Variants in PTPRU observed in about 807,000 individuals in gnomAD.
PTPRU encodes the protein receptor-type tyrosine-protein phosphatase U.
PTPRU carries 69 observed loss-of-function variants against 166.3 expected under a neutral mutation model. That is an observed-to-expected ratio of 0.41 (90% confidence interval 0.34 to 0.51). The LOEUF is 0.51. Among genes scored for constraint, PTPRU ranks in the 20% least tolerant of loss-of-function variants. The pLI is 0.09. For missense variants in PTPRU, 1,657 were observed against 2,013.7 expected, an observed-to-expected ratio of 0.82 and a Z score of 3.39; for synonymous variants, 793 against 814.0, an observed-to-expected ratio of 0.97 and a Z score of 0.44.
At chr1:29,249,598 C>T (rs533584652) in intron 1 of PTPRU, among the ~76,000 whole-genome samples, 4 of 152,306 alleles carry the variant, frequency 2.6e-5, no homozygotes, top group African/African-American at 7.2e-5. Context: ...ACACTGAGCG[C>T]GGGGCTCAGG....
In PTPRU at chr1:29,275,542, T is replaced by C; in HGVS notation, c.1239T>C (p.Arg413=). The change falls in exon 8 of 30, where the codon CGT becomes CGC. Residue 413 remains arginine (R), a synonymous_variant. Transcript: ENST00000373779. The part of the protein sequence containing the change: ...QWEPLGYNVT[R]CHTYTVSLCY... The stretch of plus-strand genomic sequence containing the variant: ...AACCACTGGGCTACAACGTGACGCG[T>C]TGCCACACCTATACTGTGTCGCTGT... 1 of 1,614,218 alleles carries C rather than the reference T, an allele frequency of 6.2e-7. No individual in the cohort carries two copies. Among genetic ancestry groups the C allele is most frequent in the South Asian group, 1.1e-5 (1 of 91,086 alleles).
chr1:29,306,511 G>C (rs1687395304), intron 18 of PTPRU, among the ~76,000 whole-genome samples: 2 of 152,220 alleles, frequency 1.3e-5, no homozygotes, highest in Non-Finnish European at 2.9e-5. Context: ...AGATGAGCAA[G>C]TGCAGGCCAG....
At position 29,313,675 on chromosome 1, in the gene PTPRU, GTGAGACCTCA is replaced by G. The variant is rs1687769863; in HGVS notation, c.3227+971_3227+980del. On this transcript the variant is annotated intron_variant, in intron 22 of 29. Coordinates refer to ENST00000373779, the MANE Select transcript of PTPRU (RefSeq NM_133178.4). ...GTTCGAGACCAGCCTGGGCAACATA[GTGAGACCTCA>G]TTGCTACAAAAATAAAAAAATTAGT... Among the ~76,000 whole-genome samples, 3 of 152,086 alleles carry G rather than the reference GTGAGACCTCA, an allele frequency of 2.0e-5. No homozygotes were observed. In the South Asian group the frequency reaches 6.2e-4, roughly 32 times the overall value.
rs1274016973 is a variant in PTPRU, at chr1:29,280,195, C to T, written c.1868+54C>T. ...GTCCAGGGCCTTAGGAAAGAGGCCC[C>T]TCCTCTGACCCAGAGCCCCATCCCA... On this transcript the variant is annotated intron_variant, in intron 11 of 29. Transcript: ENST00000373779. This position sits in a 1 kb window ranked among gnomAD's most constrained non-coding sequence, Gnocchi z 4.2. 3.4e-6 allele frequency: 5 copies of T among 1,491,214 alleles called. No individual in the cohort carries two copies. The highest frequency in any genetic ancestry group is 4.6e-6 in the Non-Finnish European group (5 of 1,075,910). The allele number at this position is 1,491,214 out of a possible 1,614,324, so 92.4% of individuals were successfully genotyped here.
In PTPRU at chr1:29,317,830, G is replaced by T; in HGVS notation, c.3596G>T (p.Ser1199Ile). 6.2e-7 allele frequency: 1 copy of T among 1,613,786 alleles called. No individual in the cohort carries two copies. Among genetic ancestry groups the T allele is most frequent in the South Asian group, 1.1e-5 (1 of 91,084 alleles). The change falls in exon 25 of 30, where the codon AGC (serine) becomes ATC (isoleucine). Residue 1199 changes from serine to isoleucine, a missense_variant. Physicochemically the swap from Ser to Ile is moderately radical, Grantham distance 142. Around this residue, in one of 3 missense-constraint regions of PTPRU, gnomAD observed 1,190 missense variants for 1,477.4 expected, o/e 0.81. Coordinates refer to ENST00000373779, the MANE Select transcript of PTPRU (RefSeq NM_133178.4). This position sits in a 1 kb window ranked among gnomAD's most constrained non-coding sequence, Gnocchi z 5.6. ...LLPRNRDKNR[S>I]MDVLPPDRCL... ...CCCCGGAACCGCGACAAGAACCGCA[G>T]CATGGACGTCCTGCCGCCCGACCGC...
At chr1:29,256,897 G>A (rs1462280426) in intron 2 of PTPRU, among the ~76,000 whole-genome samples, 1 of 152,170 alleles carries the variant, frequency 6.6e-6, no homozygotes, top group African/African-American at 2.4e-5. Flanking sequence ...AAAGGGGAGA[G>A]GGGAATTTAG....
chr1:29,262,939 A>C (rs1169183314), intron 7 of PTPRU, among the ~76,000 whole-genome samples: 1 of 152,136 alleles, frequency 6.6e-6, no homozygotes, highest in African/African-American at 2.4e-5. Flanking sequence ...GGAATCATAT[A>C]ATATATAATC....
chr1:29,256,412 C>T (rs1294168924), intron 2 of PTPRU, among the ~76,000 whole-genome samples: 1 of 152,230 alleles, frequency 6.6e-6, no homozygotes, highest in East Asian at 1.9e-4. Flanking sequence ...CTCCCTTTGC[C>T]CCATCACACT....
chr1:29,324,275 T>C lies in PTPRU; in HGVS notation c.4112+487T>C, dbSNP rs191721069. Among the ~76,000 whole-genome samples the C allele has an allele frequency of 4.6e-5, 7 of 152,314 alleles. No homozygotes were observed. In the East Asian group the frequency reaches 1.4e-3, roughly 29 times the overall value. On this transcript the variant is annotated intron_variant, in intron 28 of 29. Transcript: ENST00000373779. ...CCCCACTTTTTCATGCTTTCAGCAT[T>C]TACTGAGCCTTTCGAGTGGCAGGCT...
At chr1:29,314,880 C>T (rs185043756) in intron 22 of PTPRU, among the ~76,000 whole-genome samples, 82 of 152,126 alleles carry the variant, frequency 5.4e-4, no homozygotes, top group Non-Finnish European at 9.3e-4. Flanking sequence ...TGCCTGGCCA[C>T]GAAGAGTGTT....
At position 29,303,960 on chromosome 1, in the gene PTPRU, A is replaced by G; in HGVS notation, c.2582A>G (p.His861Arg). 6.2e-7 allele frequency: 1 copy of G among 1,613,938 alleles called. No individual in the cohort carries two copies. The highest frequency in any genetic ancestry group is 2.2e-5 in the East Asian group (1 of 44,874). The change falls in exon 16 of 30, where the codon CAC (histidine) becomes CGC (arginine). Residue 861 changes from histidine (H) to arginine (R), a missense_variant. Physicochemically the swap from His to Arg is conservative, Grantham distance 29. Transcript: ENST00000373779. ...KGSPYHTGQL[H>R]PAVRVADLLQ... is the part of the protein sequence containing the mutation. ...TCCCCATACCACACGGGGCAGCTGCACCCTGCGGTGCGTGTCGCAGACCTT... is the reference window on the plus strand; with the variant it reads ...TCCCCATACCACACGGGGCAGCTGCGCCCTGCGGTGCGTGTCGCAGACCTT...
intron 15 of PTPRU, among the ~76,000 whole-genome samples, chr1:29,295,801 T>G (rs1686857362): frequency 6.6e-6 from 1 of 151,910 alleles, no homozygotes; most frequent in South Asian, 2.1e-4. Context: ...ATTCTCCTGC[T>G]TCAGCCTCCC....
In PTPRU at chr1:29,237,072, T is replaced by C. The variant is rs1159252767; in HGVS notation, c.73+355T>C. ...TCTGAGTTTGGTTGTGTTGCGGGAGTTGTATCTGCTAATGTGTTGCATTTG... is the reference window on the plus strand; with the variant it reads ...TCTGAGTTTGGTTGTGTTGCGGGAGCTGTATCTGCTAATGTGTTGCATTTG... On this transcript the variant is annotated intron_variant, in intron 1 of 29. Coordinates refer to ENST00000373779, the MANE Select transcript of PTPRU (RefSeq NM_133178.4). This position sits in a 1 kb window ranked among gnomAD's most constrained non-coding sequence, Gnocchi z 6.4. Among the ~76,000 whole-genome samples the C allele has an allele frequency of 6.6e-6, 1 of 151,912 alleles. No individual in the cohort carries two copies. Among genetic ancestry groups the C allele is most frequent in the East Asian group, 1.9e-4 (1 of 5,178 alleles).
rs1686152923 is a variant in PTPRU at position 29,283,003 on chromosome 1, GA to G, written c.2142+55del. 15 of 1,592,468 alleles carry G rather than the reference GA, an allele frequency of 9.4e-6. No individual in the cohort carries two copies. In the South Asian group the frequency reaches 1.7e-4, roughly 18 times the overall value. On this transcript the variant is annotated intron_variant, in intron 12 of 29. Coordinates refer to ENST00000373779, the MANE Select transcript of PTPRU (RefSeq NM_133178.4). ...CGTGGTTGGGTGTGGGGGGATGGCA[GA>G]CAGGAGATACCTTGGAGCAGGCCCA...
At position 29,255,319 on chromosome 1, in the gene PTPRU, G is replaced by A. The variant is rs776058651; in HGVS notation, c.118G>A (p.Glu40Lys). Residue 40 changes from glutamate (E) to lysine (K), a missense_variant, in exon 2 of 30, where the codon GAG becomes AAG. Physicochemically the swap from Glu to Lys is moderately conservative, Grantham distance 56 (BLOSUM62 1). This residue lies in a region of PTPRU where 453 missense variants were observed against 496.9 expected (regional missense o/e 0.91). Coordinates refer to ENST00000373779, the MANE Select transcript of PTPRU (RefSeq NM_133178.4). ...GGCAAGTGACCCAGCAGTGCCCTGC[G>A]AGTACAGCCAGGCCCAGTACGATGA... Reference protein sequence around the residue: ...EEASDPAVPCEYSQAQYDDFQ... With the variant: ...EEASDPAVPCKYSQAQYDDFQ... 1.5e-5 allele frequency: 25 copies of A among 1,613,898 alleles called. No individual in the cohort carries two copies. The Middle Eastern group carries it at 2.3e-3, about 149-fold the overall frequency.
chr1:29,301,612 C>A (rs1005365172), intron 15 of PTPRU, among the ~76,000 whole-genome samples: 2 of 152,158 alleles, frequency 1.3e-5, no homozygotes, highest in African/African-American at 2.4e-5. Context: ...ACTTTAAGTT[C>A]TAGGGTACAT....
rs372738328 is a variant in PTPRU, at chr1:29,260,061, C to T, written c.850+17C>T. Reference sequence around the variant, plus strand: ...TCGTCAAGGGTCAGCTGGTGGACGCCGGGGAGCGCCGGGACCTCACCCTCG... The same window carrying T: ...TCGTCAAGGGTCAGCTGGTGGACGCTGGGGAGCGCCGGGACCTCACCCTCG... On this transcript the variant is annotated intron_variant, in intron 6 of 29. Coordinates refer to ENST00000373779, the MANE Select transcript of PTPRU (RefSeq NM_133178.4). The surrounding 1 kb of genome is among the most constrained non-coding windows in gnomAD (Gnocchi z 8.3). 8.6e-7 allele frequency: 1 copy of T among 1,165,120 alleles called. No individual in the cohort carries two copies. The highest frequency in any genetic ancestry group is 1.7e-5 in the African/African-American group (1 of 58,714). The allele number at this position is 1,165,120 out of a possible 1,614,324, so 72.2% of individuals were successfully genotyped here. A position where few individuals can be genotyped will look rare whatever the true frequency, so the allele number is the denominator to read the frequency against.
chr1:29,295,156 C>G (rs2151959343), intron 15 of PTPRU, among the ~76,000 whole-genome samples: 1 of 152,270 alleles, frequency 6.6e-6, no homozygotes, highest in Admixed American at 6.5e-5. Context: ...CCACCTCAGC[C>G]TCCCGAGGAG....
At chr1:29,276,667 C>T (rs1406049303) in intron 8 of PTPRU, among the ~76,000 whole-genome samples, 1 of 152,106 alleles carries the variant, frequency 6.6e-6, no homozygotes, top group Non-Finnish European at 1.5e-5. Context: ...ATAGTGATAT[C>T]ATCTTTTTCA....
Sources: gnomAD v4.1 joint callset for allele counts (sites outside exome capture counted in the v4.1 genomes callset) on GRCh38, gnomAD v4.1.1 for gene constraint, gnomAD v4.1.1 regional missense constraint, Gnocchi (gnomAD v3.1) non-coding constraint, MANE v1.5 for transcripts, NCBI Gene and HGNC (gene_info 2026-07-23, HGNC 2026-07-21) for gene names.